The following MYH11 variants were observed in gnomAD, a reference collection of about 807,000 sequenced individuals.
MYH11 encodes myosin heavy chain 11, also known as myosin-11.
Under a neutral mutation model 246.6 loss-of-function variants are expected in MYH11, and 80 were observed. That is an observed-to-expected ratio of 0.32 (90% confidence interval 0.27 to 0.39). The LOEUF is 0.39. Among genes scored for constraint, MYH11 ranks in the 10% least tolerant of loss-of-function variants. MYH11 has a pLI of 1.00. For synonymous variants in MYH11, 1,071 were observed against 1,015.5 expected (o/e 1.05, Z -1.04); for missense variants, 2,158 against 2,546.8 (o/e 0.85, Z 3.29).
chr16:15,850,160 G>A (rs769416056), intron 1 of MYH11, among the ~76,000 whole-genome samples: 18 of 152,112 alleles, frequency 1.2e-4, no homozygotes, highest in African/African-American at 3.9e-4. Flanking sequence ...CGAGGCAGGC[G>A]GATAACCTGA....
rs757533996 is a variant in MYH11 at position 15,798,699 on chromosome 16, A to T, written c.503-12T>A. 14 of 1,594,046 alleles carry T rather than the reference A, an allele frequency of 8.8e-6. No individual in the cohort carries two copies. The East Asian group carries it at 3.1e-4, about 36-fold the overall frequency. ...CTGGTCCTCCCGATCTGCAAACAGAAAGAAGAAAAAAGAGCCATGAATTAA... is the reference window on the plus strand; with the variant it reads ...CTGGTCCTCCCGATCTGCAAACAGATAGAAGAAAAAAGAGCCATGAATTAA... On this transcript the variant is annotated splice_polypyrimidine_tract_variant and intron_variant, in intron 3 of 40. Transcript: ENST00000300036.
intron 6 of MYH11, among the ~76,000 whole-genome samples, chr16:15,780,280 G>GC (rs2042318062): frequency 6.6e-6 from 1 of 151,966 alleles, no homozygotes; most frequent in African/African-American, 2.4e-5. Context: ...TTGGGGGGGG[G>GC]CCGCTGTTGT....
intron 8 of MYH11, among the ~76,000 whole-genome samples, chr16:15,774,301 C>G (rs967295618): frequency 1.2e-4 from 19 of 152,220 alleles, no homozygotes; most frequent in African/African-American, 4.3e-4. Flanking sequence ...AGAATACAAA[C>G]GGCCCCTGGG....
chr16:15,731,892 G>A (rs62029312), intron 27 of MYH11, among the ~76,000 whole-genome samples: 2 of 152,020 alleles, frequency 1.3e-5, no homozygotes, highest in East Asian at 1.9e-4. Flanking sequence ...AGGCTCAAAC[G>A]ATCCTCCCAC....
At position 15,708,656 on chromosome 16, in the gene MYH11, C is replaced by G. The variant is rs1401321049; in HGVS notation, c.5787-4533G>C. 3.5e-6 allele frequency: 3 copies of G among 845,250 alleles called. No homozygotes were observed. In the East Asian group the frequency reaches 8.0e-5, roughly 22 times the overall value. The allele number at this position is 845,250 out of a possible 1,614,324, so 52.4% of individuals were successfully genotyped here. A position where few individuals can be genotyped will look rare whatever the true frequency, so the allele number is the denominator to read the frequency against. ...GATCTTGGTTTCAATGAAAGCTTTG[C>G]ACAAAGATATCCAAGCCTCCAGATT... On this transcript the variant is annotated intron_variant, in intron 40 of 40. Transcript: ENST00000300036.
intron 10 of MYH11, 53 bp downstream of exon 10, chr16:15,763,743 C>CCA: frequency 3.4e-6 from 2 of 582,096 alleles, no homozygotes; most frequent in Non-Finnish European, 3.3e-6. Flanking sequence ...ATGTCACCTC[C>CCA]CCCACCCCCC....
chr16:15,726,952 G>A lies in MYH11; in HGVS notation c.3754C>T (p.His1252Tyr), dbSNP rs1006269156. The A allele has an allele frequency of 2.5e-6, 4 of 1,613,316 alleles. No homozygotes were observed. The highest frequency in any genetic ancestry group is 3.4e-6 in the Non-Finnish European group (4 of 1,179,998). ...VLGQAKQEVE[H>Y]KKKKLEAQVQ... is the part of the protein sequence containing the mutation. ...TGCGCCTCCAGCTTCTTCTTCTTAT[G>A]TTCCACCTCCTGCTTGGCCTGGCCC... The change falls in exon 28 of 41, where the codon CAT (histidine) becomes TAT (tyrosine). Residue 1252 changes from histidine to tyrosine, a missense_variant. His to Tyr is a moderately conservative substitution (Grantham distance 83). Transcript: ENST00000300036.
chr16:15,824,530 C>A (rs2043508309), intron 2 of MYH11, among the ~76,000 whole-genome samples: 1 of 152,202 alleles, frequency 6.6e-6, no homozygotes, highest in Non-Finnish European at 1.5e-5. Flanking sequence ...ATGCGCCAGT[C>A]TCAGCCTCCC....
intron 1 of MYH11, among the ~76,000 whole-genome samples, chr16:15,851,329 G>A (rs1180939608): frequency 6.6e-6 from 1 of 152,116 alleles, no homozygotes; most frequent in Non-Finnish European, 1.5e-5. Flanking sequence ...TGGGCCCCTT[G>A]TATTCATCAG....
chr16:15,750,447 CCAA>C lies in MYH11; in HGVS notation c.1865-119_1865-117del. The C allele has an allele frequency of 1.0e-6, 1 of 1,002,168 alleles. No homozygotes were observed. The highest frequency in any genetic ancestry group is 1.5e-6 in the Non-Finnish European group (1 of 666,428). 62.1% of individuals were successfully genotyped at this position (1,002,168 alleles called of 1,614,324 possible). A position where few individuals can be genotyped will look rare whatever the true frequency, so the allele number is the denominator to read the frequency against. The stretch of plus-strand genomic sequence containing the variant: ...CCCACTCCAATCTTTCCTTCCATCA[CCAA>C]CGCCTCCTTCGGCAGTCAGGGTTTC... On this transcript the variant is annotated intron_variant, in intron 15 of 40. Transcript: ENST00000300036. This position sits in a 1 kb window ranked among gnomAD's most constrained non-coding sequence, Gnocchi z 4.3.
intron 6 of MYH11, among the ~76,000 whole-genome samples, chr16:15,780,402 C>T (rs1384158904): frequency 1.3e-5 from 2 of 150,914 alleles, no homozygotes; most frequent in Non-Finnish European, 2.9e-5. Context: ...TCACCTGCCA[C>T]TCATGGAGGT....
rs1348932025 is a variant in MYH11 at position 15,736,020 on chromosome 16, G to A, written c.3294-442C>T. Among the ~76,000 whole-genome samples the A allele has an allele frequency of 4.6e-5, 7 of 152,316 alleles. No homozygotes were observed. The South Asian group carries it at 1.0e-3, about 23-fold the overall frequency. ...CATTTGGCCAGCCACTGCTTGCGGG[G>A]GATATTCAGACTGGGGCTCTGCATC... On this transcript the variant is annotated intron_variant, in intron 25 of 40. Coordinates refer to ENST00000300036, the MANE Select transcript of MYH11 (RefSeq NM_002474.3).
chr16:15,745,536 C>T (rs1348642952), intron 19 of MYH11, among the ~76,000 whole-genome samples: 1 of 151,776 alleles, frequency 6.6e-6, no homozygotes. Flanking sequence ...CCTAAGGGGG[C>T]TCCCGTACTC....
At chr16:15,737,329 G>T (rs2041147364) in intron 25 of MYH11, 120 bp downstream of exon 25, 2 of 1,359,798 alleles carry the variant, frequency 1.5e-6, no homozygotes, top group Non-Finnish European at 2.0e-6. Context: ...CCTGGGAAAC[G>T]AAGTTCATGC....
At chr16:15,733,963 G>A (rs2041042245) in intron 26 of MYH11, among the ~76,000 whole-genome samples, 1 of 152,236 alleles carries the variant, frequency 6.6e-6, no homozygotes, top group African/African-American at 2.4e-5. Context: ...GGTATATGGT[G>A]TTGGCACAGC....
intron 1 of MYH11, among the ~76,000 whole-genome samples, chr16:15,845,920 T>C (rs1219989951): frequency 3.3e-5 from 5 of 151,882 alleles, no homozygotes; most frequent in African/African-American, 1.2e-4. Flanking sequence ...TGTGAAACCC[T>C]GTCTCTACTA....
intron 40 of MYH11, among the ~76,000 whole-genome samples, chr16:15,707,323 C>T (rs2039510965): frequency 6.6e-6 from 1 of 152,192 alleles, no homozygotes; most frequent in Non-Finnish European, 1.5e-5. Flanking sequence ...CCCACTGTGC[C>T]TGGCCTAGCA....
At chr16:15,775,238 T>C (rs1340242971) in intron 8 of MYH11, among the ~76,000 whole-genome samples, 2 of 152,190 alleles carry the variant, frequency 1.3e-5, no homozygotes, top group Non-Finnish European at 1.5e-5. Context: ...TATATTTACA[T>C]AAAAAAACTT....
At chr16:15,850,923 T>C (rs931588605) in intron 1 of MYH11, among the ~76,000 whole-genome samples, 6 of 151,856 alleles carry the variant, frequency 4.0e-5, no homozygotes, top group African/African-American at 1.2e-4. Context: ...AAAGAAAAAT[T>C]GCTCATATTC....
Sources: allele counts gnomAD v4.1 joint callset (sites outside exome capture counted in the v4.1 genomes callset), GRCh38; gene constraint gnomAD v4.1.1; non-coding constraint Gnocchi (gnomAD v3.1); transcripts MANE v1.5; gene names NCBI Gene and HGNC (gene_info 2026-07-23, HGNC 2026-07-21).